The following PKN2 variants were observed in gnomAD, a reference collection of about 807,000 sequenced individuals.
The protein encoded by PKN2 is serine/threonine-protein kinase N2.
In PKN2, 38 loss-of-function variants were observed where a neutral mutation model predicts 119.1. The observed-to-expected ratio is 0.32, with a 90% confidence interval of 0.25 to 0.42. The LOEUF (loss-of-function observed/expected upper bound fraction) is 0.42. PKN2 is among the 10% of genes least tolerant of loss of function. PKN2 has a pLI of 1.00. For missense variants in PKN2, 850 were observed against 1,165.1 expected (o/e 0.73, Z 3.94); for synonymous variants, 390 against 384.9 (o/e 1.01, Z -0.15).
intron 3 of PKN2, among the ~76,000 whole-genome samples, chr1:88,765,317 T>C (rs1669624202): frequency 6.6e-6 from 1 of 151,726 alleles, no homozygotes; most frequent in South Asian, 2.1e-4. Flanking sequence ...CCTGTTTATA[T>C]ATTCAGGCAG....
At chr1:88,781,530 T>C (rs1670345817) in intron 6 of PKN2, among the ~76,000 whole-genome samples, 1 of 152,106 alleles carries the variant, frequency 6.6e-6, no homozygotes, top group African/African-American at 2.4e-5. Flanking sequence ...ACTTCTTGGA[T>C]TTGCTTGTTT....
At chr1:88,813,487 T>C (rs1671861093) in intron 15 of PKN2, 70 bp from the exon 16 acceptor site, 1 of 1,117,588 alleles carries the variant, frequency 8.9e-7, no homozygotes, top group Non-Finnish European at 1.2e-6. Context: ...AGTTTAGTAA[T>C]TTATAAAGAA....
In PKN2 at chr1:88,804,884, A is replaced by G; in HGVS notation, c.1464A>G (p.Lys488=). ...FFNPVIERRP[K]LQRQKKIFSK... ...ATCCAGTTATTGAAAGAAGACCAAAACTTCAAAGACAAAAGAAAATTTTTT... is the reference window on the plus strand; with the variant it reads ...ATCCAGTTATTGAAAGAAGACCAAAGCTTCAAAGACAAAAGAAAATTTTTT... The change falls in exon 10 of 22, where the codon AAA becomes AAG. Residue 488 remains lysine (K), a synonymous_variant. Coordinates refer to ENST00000370521, the MANE Select transcript of PKN2 (RefSeq NM_006256.4). 6.3e-7 allele frequency: 1 copy of G among 1,577,714 alleles called. No individual in the cohort carries two copies. Among genetic ancestry groups the G allele is most frequent in the Non-Finnish European group, 8.7e-7 (1 of 1,154,356 alleles).
Position 88,684,313 on chromosome 1 carries a change from T to A in PKN2, c.-268T>A. On this transcript the variant is annotated 5_prime_UTR_variant, in exon 1 of 22. Transcript: ENST00000370521. Reference sequence around the variant, plus strand: ...GCACGGAGAGGCTTGAGGCGGCTCCTGGCGTCGCCCAGAGGGAGCGACTAG... The same window carrying A: ...GCACGGAGAGGCTTGAGGCGGCTCCAGGCGTCGCCCAGAGGGAGCGACTAG... 1 of 396,874 alleles carries A rather than the reference T, an allele frequency of 2.5e-6. No homozygotes were observed. The highest frequency in any genetic ancestry group is 4.5e-6 in the Non-Finnish European group (1 of 221,616). The allele number at this position is 396,874 out of a possible 1,614,324, so 24.6% of individuals were successfully genotyped here. A position where few individuals can be genotyped will look rare whatever the true frequency, so the allele number is the denominator to read the frequency against.
At chr1:88,746,210 T>C (rs896513540) in intron 2 of PKN2, among the ~76,000 whole-genome samples, 5 of 152,134 alleles carry the variant, frequency 3.3e-5, no homozygotes, top group African/African-American at 1.2e-4. Flanking sequence ...CTCTATGACA[T>C]TGGTCTAGGC....
At chr1:88,781,317 T>C (rs1051781282) in intron 6 of PKN2, among the ~76,000 whole-genome samples, 1 of 152,080 alleles carries the variant, frequency 6.6e-6, no homozygotes, top group Admixed American at 6.5e-5. Context: ...TGTTGTTTTT[T>C]CTCCATGTTT....
intron 1 of PKN2, among the ~76,000 whole-genome samples, chr1:88,705,471 G>C (rs1019440238): frequency 4.6e-5 from 7 of 151,920 alleles, no homozygotes; most frequent in African/African-American, 1.7e-4. Context: ...GAGGCAGGCA[G>C]ATCACGAGGT....
Position 88,835,781 on chromosome 1 carries a change from A to C in PKN2, c.*2333A>C, listed in dbSNP as rs1214461290. The C allele has an allele frequency of 6.6e-6, 1 of 152,368 alleles. No homozygotes were observed. The highest frequency in any genetic ancestry group is 2.4e-5 in the African/African-American group (1 of 41,392). 9.4% of individuals were successfully genotyped at this position (152,368 alleles called of 1,614,324 possible). A position where few individuals can be genotyped will look rare whatever the true frequency, so the allele number is the denominator to read the frequency against. ...AAATTATCACAAATGCACAAATTAA[A>C]GTCTATATAGATTGAAATTTGTAAC... is the stretch of plus-strand genomic sequence containing the variant. On this transcript the variant is annotated 3_prime_UTR_variant, in exon 22 of 22. Coordinates refer to ENST00000370521, the MANE Select transcript of PKN2 (RefSeq NM_006256.4).
At chr1:88,762,980 T>G (rs1028670701) in intron 3 of PKN2, among the ~76,000 whole-genome samples, 4 of 152,160 alleles carry the variant, frequency 2.6e-5, no homozygotes, top group African/African-American at 9.7e-5. Context: ...GTAGGTAGAA[T>G]GTACTTCTGA....
intron 1 of PKN2, among the ~76,000 whole-genome samples, chr1:88,737,594 C>T (rs1668405585): frequency 6.6e-6 from 1 of 152,204 alleles, no homozygotes; most frequent in South Asian, 2.1e-4. Context: ...TGCTGAAGTT[C>T]ACTCATGGCT....
At chr1:88,731,121 C>A (rs573396699) in intron 1 of PKN2, among the ~76,000 whole-genome samples, 1 of 152,208 alleles carries the variant, frequency 6.6e-6, no homozygotes, top group South Asian at 2.1e-4. Flanking sequence ...ATTTCATTAC[C>A]TAGAACTCAA....
At chr1:88,723,418 C>T (rs1032147190) in intron 1 of PKN2, among the ~76,000 whole-genome samples, 1 of 148,352 alleles carries the variant, frequency 6.7e-6, no homozygotes, top group African/African-American at 2.5e-5. Context: ...CTGCCCCCCC[C>T]CCTTTTATTT....
At chr1:88,832,972 A>T in intron 20 of PKN2, 105 bp from the exon 21 acceptor site, 1 of 1,263,800 alleles carries the variant, frequency 7.9e-7, no homozygotes, top group Non-Finnish European at 1.1e-6. Flanking sequence ...CATGGCTTAG[A>T]CAAAAAAAGA....
chr1:88,706,797 A>G (rs907280531), intron 1 of PKN2, among the ~76,000 whole-genome samples: 2 of 152,126 alleles, frequency 1.3e-5, no homozygotes, highest in African/African-American at 2.4e-5. Flanking sequence ...TTCAGTTCAG[A>G]ATATGTGCTG....
Position 88,807,570 on chromosome 1 carries a change from G to A in PKN2, c.1976G>A (p.Cys659Tyr). The A allele has an allele frequency of 1.2e-6, 2 of 1,612,666 alleles. No homozygotes were observed. The highest frequency in any genetic ancestry group is 1.7e-6 in the Non-Finnish European group (2 of 1,179,048). Residue 659 changes from cysteine to tyrosine, a missense_variant, in exon 14 of 22, where the codon TGT (cysteine) becomes TAT (tyrosine). By Grantham distance (194) the Cys-to-Tyr change is radical. Around this residue, in one of 9 missense-constraint regions of PKN2, gnomAD observed 216 missense variants for 252.8 expected, o/e 0.85. Transcript: ENST00000370521. ...CAGTTTAATCTACAAGATTTCAGGT[G>A]TTGTGCTGTCTTGGGAAGAGGACAT... ...RFQFNLQDFR[C>Y]CAVLGRGHFG...
At chr1:88,777,413 T>G (rs1410995825) in intron 6 of PKN2, among the ~76,000 whole-genome samples, 1 of 152,188 alleles carries the variant, frequency 6.6e-6, no homozygotes, top group East Asian at 1.9e-4. Context: ...TTCTGTTAAT[T>G]TCTTTTTTCT....
intron 3 of PKN2, among the ~76,000 whole-genome samples, chr1:88,764,327 C>T (rs1295066313): frequency 2.0e-5 from 3 of 152,178 alleles, no homozygotes; most frequent in African/African-American, 7.2e-5. Context: ...GATGCTACCA[C>T]CTCAGCAAGC....
At chr1:88,744,229 A>G (rs1199612515) in intron 2 of PKN2, among the ~76,000 whole-genome samples, 1 of 152,188 alleles carries the variant, frequency 6.6e-6, no homozygotes, top group Non-Finnish European at 1.5e-5. Flanking sequence ...TGGCAAGAAG[A>G]TTTCAAGGAC....
chr1:88,791,462 G>GC (rs1670838536), intron 8 of PKN2, among the ~76,000 whole-genome samples: 1 of 151,414 alleles, frequency 6.6e-6, no homozygotes, highest in African/African-American at 2.4e-5. Flanking sequence ...GTGTGGAGTT[G>GC]CCCAGGTTTT....
Sources: allele counts gnomAD v4.1 joint callset (sites outside exome capture counted in the v4.1 genomes callset), GRCh38; gene constraint gnomAD v4.1.1; regional missense constraint gnomAD v4.1.1; transcripts MANE v1.5; gene names NCBI Gene and HGNC (gene_info 2026-07-23, HGNC 2026-07-21).